SYN3: variants seen among roughly 807,000 people sequenced by gnomAD.
SYN3 encodes the protein synapsin III.
In SYN3, 35 loss-of-function variants were observed where a neutral mutation model predicts 65.8. The observed-to-expected ratio is 0.53, with a 90% CI of 0.41 to 0.70. The LOEUF is 0.70. Among genes scored for constraint, SYN3 ranks in the 30% least tolerant of loss-of-function variants. The probability of loss-of-function intolerance (pLI) is 0.00; values close to 1 mark genes in which losing one functional copy is unlikely to be tolerated. For missense variants in SYN3, 680 were observed against 749.0 expected (o/e 0.91, Z 1.08); for synonymous variants, 270 against 292.9 (o/e 0.92, Z 0.80).
intron 3 of SYN3, among the ~76,000 whole-genome samples, chr22:32,970,490 A>T (rs1397142519): frequency 6.6e-6 from 1 of 151,854 alleles, no homozygotes; most frequent in Non-Finnish European, 1.5e-5. Flanking sequence ...TGGAAAAAAA[A>T]AAAAAAAGAT....
intron 4 of SYN3, among the ~76,000 whole-genome samples, chr22:32,886,827 T>C (rs1181109237): frequency 6.6e-6 from 1 of 152,216 alleles, no homozygotes; most frequent in Admixed American, 6.5e-5. Context: ...CTCAACATAA[T>C]GGCTTTGAGA....
chr22:32,916,655 A>T (rs1339205672), intron 4 of SYN3, among the ~76,000 whole-genome samples: 2 of 152,170 alleles, frequency 1.3e-5, no homozygotes, highest in African/African-American at 4.8e-5. Context: ...CCCTGGTGCT[A>T]GAGTCACTTA....
At chr22:32,974,223 A>G (rs1391805787) in intron 3 of SYN3, among the ~76,000 whole-genome samples, 1 of 152,268 alleles carries the variant, frequency 6.6e-6, no homozygotes, top group Non-Finnish European at 1.5e-5. Context: ...GGATAAGAAG[A>G]GGACCCTGAA....
At chr22:32,855,251 G>C (rs976205897) in intron 6 of SYN3, among the ~76,000 whole-genome samples, 1 of 152,220 alleles carries the variant, frequency 6.6e-6, no homozygotes, top group Non-Finnish European at 1.5e-5. Context: ...CACTGGGCTT[G>C]TGTAATACTC....
At chr22:32,809,189 T>C (rs2046844416) in intron 6 of SYN3, among the ~76,000 whole-genome samples, 1 of 152,248 alleles carries the variant, frequency 6.6e-6, no homozygotes, top group Admixed American at 6.5e-5. Context: ...CCAAATGGCT[T>C]GCCCAAGCTC....
At chr22:32,756,560 C>G (rs781032652) in intron 6 of SYN3, among the ~76,000 whole-genome samples, 4 of 152,108 alleles carry the variant, frequency 2.6e-5, no homozygotes, top group African/African-American at 9.7e-5. Context: ...AGATGTAATC[C>G]CAGTGTTAGA....
intron 3 of SYN3, among the ~76,000 whole-genome samples, chr22:32,945,011 A>T (rs2051061078): frequency 6.6e-6 from 1 of 152,218 alleles, no homozygotes; most frequent in South Asian, 2.1e-4. Flanking sequence ...TTCAAGGAGA[A>T]CTACAAACCA....
intron 3 of SYN3, among the ~76,000 whole-genome samples, chr22:32,954,456 A>C (rs1324858137): frequency 2.0e-5 from 3 of 152,254 alleles, no homozygotes; most frequent in Non-Finnish European, 2.9e-5. Flanking sequence ...CTTAGATACA[A>C]AGAAAAGAAC....
At chr22:32,543,067 C>CA (rs1339756678) in intron 7 of SYN3, among the ~76,000 whole-genome samples, 1 of 152,102 alleles carries the variant, frequency 6.6e-6, no homozygotes, top group Non-Finnish European at 1.5e-5. Context: ...CACCCCATCT[C>CA]ACGTCCTTCC....
intron 6 of SYN3, among the ~76,000 whole-genome samples, chr22:32,710,520 C>T (rs2147244223): frequency 1.3e-5 from 2 of 151,572 alleles, no homozygotes; most frequent in East Asian, 3.9e-4. Context: ...GTAATCCCAG[C>T]TACTTGGGAG....
chr22:32,957,559 C>G (rs1461308144), intron 3 of SYN3, among the ~76,000 whole-genome samples: 1 of 152,214 alleles, frequency 6.6e-6, no homozygotes, highest in Non-Finnish European at 1.5e-5. Context: ...GCCCCGCGCT[C>G]TCCCCACCGG....
chr22:32,659,836 G>A (rs5998566), intron 6 of SYN3, among the ~76,000 whole-genome samples: 10,209 of 152,196 alleles, frequency 0.067, 387 homozygotes, highest in African/African-American at 0.091. Flanking sequence ...GAGTGGCTGT[G>A]TGACTTTGGT....
chr22:32,723,866 T>C (rs2061153762), intron 6 of SYN3, among the ~76,000 whole-genome samples: 2 of 152,204 alleles, frequency 1.3e-5, no homozygotes, highest in Admixed American at 6.5e-5. Context: ...CTGTAGGCCG[T>C]GCCACGTGAG....
intron 10 of SYN3, among the ~76,000 whole-genome samples, chr22:32,533,426 T>C (rs975073179): frequency 3.9e-5 from 6 of 152,122 alleles, no homozygotes; most frequent in Non-Finnish European, 7.4e-5. Context: ...ACTGTCTGCA[T>C]GGTGACCAAG....
At chr22:32,625,540 C>T (rs2059654075) in intron 6 of SYN3, among the ~76,000 whole-genome samples, 1 of 152,184 alleles carries the variant, frequency 6.6e-6, no homozygotes, top group South Asian at 2.1e-4. Context: ...AAGTTGTGGT[C>T]CAGACGGAAT....
chr22:32,564,277 C>T (rs1229207017), intron 7 of SYN3, among the ~76,000 whole-genome samples: 1 of 152,132 alleles, frequency 6.6e-6, no homozygotes, highest in Non-Finnish European at 1.5e-5. Context: ...TCCTGCCCTG[C>T]TACAGATGAA....
rs533126878 is a variant in SYN3 at position 33,023,096 on chromosome 22, T to C, written c.-162-16272A>G. Among the ~76,000 whole-genome samples, 7 of 152,302 alleles carry C rather than the reference T, an allele frequency of 4.6e-5. No homozygotes were observed. The East Asian group carries it at 1.4e-3, about 30-fold the overall frequency. On this transcript the variant is annotated intron_variant, in intron 1 of 13. Coordinates refer to ENST00000358763, the MANE Select transcript of SYN3 (RefSeq NM_003490.4). ...CAGGCATGGTGGTTCATGCCTGTAA[T>C]CCCACCATTTTGAGAGGCCAAGGCA... is the stretch of plus-strand genomic sequence containing the variant.
chr22:32,983,079 T>C (rs2052417545), intron 2 of SYN3, among the ~76,000 whole-genome samples: 1 of 152,220 alleles, frequency 6.6e-6, no homozygotes, highest in Non-Finnish European at 1.5e-5. Context: ...TTTTTGATTA[T>C]TGGTATGATG....
At chr22:32,930,838 T>C (rs2050608128) in intron 4 of SYN3, among the ~76,000 whole-genome samples, 1 of 152,222 alleles carries the variant, frequency 6.6e-6, no homozygotes, top group South Asian at 2.1e-4. Flanking sequence ...AACCCCTCAC[T>C]TGCTCTCCAA....
Sources: gnomAD v4.1 joint callset for allele counts (sites outside exome capture counted in the v4.1 genomes callset) on GRCh38, gnomAD v4.1.1 for gene constraint, MANE v1.5 for transcripts, NCBI Gene and HGNC (gene_info 2026-07-23, HGNC 2026-07-21) for gene names.